Variants in TRAPPC10 observed in about 807,000 individuals in gnomAD.
TRAPPC10 encodes the protein trafficking protein particle complex subunit 10, also known as TRAPP 130 kDa subunit.
A neutral mutation model predicts 125.5 loss-of-function variants in TRAPPC10; 23 were observed. The observed-to-expected ratio is 0.18, with a 90% CI of 0.13 to 0.26. TRAPPC10 has a LOEUF of 0.26. Ranked by LOEUF, TRAPPC10 falls within the 10% of genes least tolerant of loss-of-function variation. TRAPPC10 has a pLI of 1.00. For synonymous variants in TRAPPC10, 509 were observed against 518.0 expected (o/e 0.98, Z 0.24); for missense variants, 1,123 against 1,308.4 (o/e 0.86, Z 2.19).
intron 1 of TRAPPC10, among the ~76,000 whole-genome samples, chr21:44,017,497 A>G (rs555017790): frequency 5.3e-5 from 8 of 152,124 alleles, no homozygotes; most frequent in Non-Finnish European, 1.0e-4. Context: ...TTTTCATGGC[A>G]TCTCTAGGCT....
chr21:44,063,125 A>G lies in TRAPPC10; in HGVS notation c.791-413A>G, dbSNP rs2036179890. Reference sequence around the variant, plus strand: ...GGAATATGTAATCTAAGGAAGACCAAAAAACACCAGGATGGTCAGAGCAGG... The same window carrying G: ...GGAATATGTAATCTAAGGAAGACCAGAAAACACCAGGATGGTCAGAGCAGG... On this transcript the variant is annotated intron_variant, in intron 6 of 22. Coordinates refer to ENST00000291574, the MANE Select transcript of TRAPPC10 (RefSeq NM_003274.5). The surrounding 1 kb of genome is among the most constrained non-coding windows in gnomAD (Gnocchi z 4.4). The G allele has an allele frequency of 2.3e-6, 3 of 1,305,866 alleles. No homozygotes were observed. Among genetic ancestry groups the G allele is most frequent in the Non-Finnish European group, 3.0e-6 (3 of 991,058 alleles). The allele number at this position is 1,305,866 out of a possible 1,614,324, so 80.9% of individuals were successfully genotyped here.
intron 2 of TRAPPC10, among the ~76,000 whole-genome samples, chr21:44,035,319 C>G (rs914177088): frequency 1.3e-5 from 2 of 152,140 alleles, no homozygotes; most frequent in Non-Finnish European, 2.9e-5. Flanking sequence ...TCTTGGACTT[C>G]CCAGCCTCCA....
chr21:44,085,875 A>T (rs1225694585), intron 15 of TRAPPC10, among the ~76,000 whole-genome samples: 1 of 152,230 alleles, frequency 6.6e-6, no homozygotes, highest in Non-Finnish European at 1.5e-5. Context: ...GAGTGAGTGA[A>T]TGTCTCCTTT....
At chr21:44,032,014 A>G (rs941169317) in intron 1 of TRAPPC10, 77 bp from the exon 2 acceptor site, 8 of 1,217,316 alleles carry the variant, frequency 6.6e-6, no homozygotes, top group African/African-American at 3.0e-5. Flanking sequence ...AAAAACACCA[A>G]TTTATTAAGC....
chr21:44,068,024 G>A (rs2036578281), intron 7 of TRAPPC10, among the ~76,000 whole-genome samples: 1 of 151,992 alleles, frequency 6.6e-6, no homozygotes, highest in Admixed American at 6.5e-5. Context: ...GGAGGCTGGG[G>A]CGGGAGAATT....
chr21:44,057,413 C>T (rs896887046), intron 5 of TRAPPC10, among the ~76,000 whole-genome samples: 20 of 151,984 alleles, frequency 1.3e-4, no homozygotes, highest in African/African-American at 4.8e-4. Flanking sequence ...GATTCTCCTG[C>T]CTCAGTCCCG....
At chr21:44,038,217 G>A (rs1389267423) in intron 3 of TRAPPC10, among the ~76,000 whole-genome samples, 1 of 152,186 alleles carries the variant, frequency 6.6e-6, no homozygotes, top group Non-Finnish European at 1.5e-5. Context: ...ACTTGCTGTT[G>A]CGTGTTTGCG....
chr21:44,049,870 C>A (rs2035114040), intron 3 of TRAPPC10, among the ~76,000 whole-genome samples: 1 of 129,072 alleles, frequency 7.7e-6, no homozygotes, highest in African/African-American at 4.2e-5. Flanking sequence ...ACTTTGTTTT[C>A]TTTCTTTCTT....
chr21:44,020,581 C>G (rs1209873149), intron 1 of TRAPPC10, among the ~76,000 whole-genome samples: 1 of 151,938 alleles, frequency 6.6e-6, no homozygotes, highest in Non-Finnish European at 1.5e-5. Flanking sequence ...CTGCGGTGAG[C>G]CATGTTTGTG....
chr21:44,087,062 C>A lies in TRAPPC10; in HGVS notation c.2539+102C>A. 7.3e-7 allele frequency: 1 copy of A among 1,364,236 alleles called. No homozygotes were observed. The allele number at this position is 1,364,236 out of a possible 1,614,324, so 84.5% of individuals were successfully genotyped here. ...CCTTGCTGCCATCCTGCTGAGCGCCCCTCAACAGTGTCTGGAGTCCGTGTT... is the reference window on the plus strand; with the variant it reads ...CCTTGCTGCCATCCTGCTGAGCGCCACTCAACAGTGTCTGGAGTCCGTGTT... On this transcript the variant is annotated intron_variant, in intron 16 of 22. Transcript: ENST00000291574. This position sits in a 1 kb window ranked among gnomAD's most constrained non-coding sequence, Gnocchi z 4.6.
At chr21:44,043,634 AC>A (rs1256070885) in intron 3 of TRAPPC10, among the ~76,000 whole-genome samples, 1 of 152,098 alleles carries the variant, frequency 6.6e-6, no homozygotes, top group Non-Finnish European at 1.5e-5. Flanking sequence ...GTAGCAGCAT[AC>A]CCATCCCACA....
rs1028804319 is a variant in TRAPPC10 at position 44,023,025 on chromosome 21, C to CTTTTTTT, written c.68-9047_68-9041dup. 2.4e-3 allele frequency among the ~76,000 whole-genome samples: 196 copies of CTTTTTTT among 80,234 alleles called. 4 individuals are homozygous for CTTTTTTT. Among genetic ancestry groups the CTTTTTTT allele is most frequent in the Non-Finnish European group, 2.9e-3 (133 of 45,874 alleles). 52.6% of individuals were successfully genotyped at this position (80,234 alleles called of 152,430 possible). A position where few individuals can be genotyped will look rare whatever the true frequency, so the allele number is the denominator to read the frequency against. ...TGGTGATATTCTCATTTCCCTATGTCTTTTTTTTTTTTTTTTTTTTTTTTT... is the reference window on the plus strand; with the variant it reads ...TGGTGATATTCTCATTTCCCTATGTCTTTTTTTTTTTTTTTTTTTTTTTTTTTTTTTT... On this transcript the variant is annotated intron_variant, in intron 1 of 22. Transcript: ENST00000291574.
chr21:44,081,857 C>T (rs1047558517), intron 13 of TRAPPC10, among the ~76,000 whole-genome samples: 16 of 151,938 alleles, frequency 1.1e-4, no homozygotes, highest in Non-Finnish European at 2.1e-4. Flanking sequence ...ATAGCCTGGG[C>T]GACAGAGCGA....
chr21:44,016,898 G>T (rs535684568), intron 1 of TRAPPC10, among the ~76,000 whole-genome samples: 14 of 152,284 alleles, frequency 9.2e-5, no homozygotes, highest in Non-Finnish European at 1.0e-4. Context: ...CTTGTGATCT[G>T]CCCGCCTCAG....
At chr21:44,046,717 A>G (rs753232623) in intron 3 of TRAPPC10, 4 of 351,998 alleles carry the variant, frequency 1.1e-5, no homozygotes, top group African/African-American at 8.7e-5. Context: ...CATGTTGGTC[A>G]GGCTGGTCTT....
intron 1 of TRAPPC10, among the ~76,000 whole-genome samples, chr21:44,031,488 A>G (rs1361850431): frequency 6.6e-6 from 1 of 152,234 alleles, no homozygotes; most frequent in Non-Finnish European, 1.5e-5. Flanking sequence ...TGCCACTGTC[A>G]GCTCTGTGCA....
intron 11 of TRAPPC10, among the ~76,000 whole-genome samples, chr21:44,079,320 C>T (rs559192031): frequency 2.4e-4 from 36 of 152,158 alleles, no homozygotes; most frequent in Non-Finnish European, 3.8e-4. Flanking sequence ...GCCAGACCAA[C>T]GATGTGTTGT....
At chr21:44,080,252 T>G in intron 13 of TRAPPC10, 125 bp downstream of exon 13, 1 of 800,556 alleles carries the variant, frequency 1.2e-6, no homozygotes, top group Non-Finnish European at 2.0e-6. Flanking sequence ...AGCTGACATG[T>G]ATCTATGTCT....
intron 3 of TRAPPC10, among the ~76,000 whole-genome samples, chr21:44,052,077 G>A (rs2035269571): frequency 6.6e-6 from 1 of 152,230 alleles, no homozygotes; most frequent in Admixed American, 6.5e-5. Context: ...TGGGGATCAT[G>A]CATGCCTGTG....
Sources: allele counts gnomAD v4.1 joint callset (sites outside exome capture counted in the v4.1 genomes callset), GRCh38; gene constraint gnomAD v4.1.1; non-coding constraint Gnocchi (gnomAD v3.1); transcripts MANE v1.5; gene names NCBI Gene and HGNC (gene_info 2026-07-23, HGNC 2026-07-21).